Variants in ZNF536 observed in about 807,000 individuals in gnomAD.
ZNF536 encodes zinc finger protein 536.
A neutral mutation model predicts 84.5 loss-of-function variants in ZNF536; 13 were observed. The observed-to-expected ratio is 0.15, with a 90% CI of 0.10 to 0.24. The LOEUF is 0.24. ZNF536 is among the 10% of genes least tolerant of loss of function. The pLI is 1.00. For missense variants in ZNF536, 1,536 were observed against 1,747.5 expected, an observed-to-expected ratio of 0.88 and a Z score of 2.16; for synonymous variants, 811 against 742.5, an observed-to-expected ratio of 1.09 and a Z score of -1.50.
rs144603675 is a variant in ZNF536, at chr19:30,268,823, C to T, written c.-189-15249C>T. ...GAGCATGTTCTGTGCTTCTGCAAGC[C>T]GGAACTCCCCAATCTCGCTGGCCTT... On this transcript the variant is annotated intron_variant, in intron 1 of 5. Coordinates refer to the ZNF536 transcript ENST00000585628. 6.5e-3 allele frequency among the ~76,000 whole-genome samples: 991 copies of T among 152,256 alleles called. 11 individuals carry two copies. Among genetic ancestry groups the T allele is most frequent in the Non-Finnish European group, 7.0e-3 (478 of 68,028 alleles).
intron 3 of ZNF536, among the ~76,000 whole-genome samples, chr19:30,359,520 C>T (rs1259157420): frequency 1.3e-5 from 2 of 152,168 alleles, no homozygotes; most frequent in African/African-American, 4.8e-5. Flanking sequence ...ATGCAGAAGT[C>T]CCTATCTTCT....
Position 30,680,031 on chromosome 19 carries a change from G to A in ZNF536, c.170-30726G>A, listed in dbSNP as rs1350065176. ...GGCCAGGGGAGGGAGGGAGGGGTAA[G>A]GGACACTGGACAAGGTTGGGGTGTG... is the stretch of plus-strand genomic sequence containing the variant. On this transcript the variant is annotated intron_variant, in intron 1 of 1. Transcript: ENST00000592773. 3.9e-5 allele frequency among the ~76,000 whole-genome samples: 6 copies of A among 152,064 alleles called. No homozygotes were observed. In the East Asian group the frequency reaches 9.7e-4, roughly 25 times the overall value.
intron 1 of ZNF536, among the ~76,000 whole-genome samples, chr19:30,424,161 A>G (rs2051110624): frequency 6.6e-6 from 1 of 152,030 alleles, no homozygotes; most frequent in Non-Finnish European, 1.5e-5. Flanking sequence ...GTAACTCTCC[A>G]CCTGCTCTGG....
intron 1 of ZNF536, among the ~76,000 whole-genome samples, chr19:30,263,285 G>A (rs2025323707): frequency 6.6e-6 from 1 of 152,176 alleles, no homozygotes; most frequent in Admixed American, 6.5e-5. Context: ...AATGATTTTG[G>A]AAAGCATTTA....
chr19:30,594,915 C>T (rs1035476325), intron 1 of ZNF536, among the ~76,000 whole-genome samples: 3 of 152,120 alleles, frequency 2.0e-5, no homozygotes, highest in African/African-American at 4.8e-5. Context: ...CCCAGCTGCC[C>T]CGAAGGCCAA....
chr19:30,565,491 G>A (rs567969211), intron 1 of ZNF536, among the ~76,000 whole-genome samples: 1 of 152,298 alleles, frequency 6.6e-6, no homozygotes, highest in African/African-American at 2.4e-5. Flanking sequence ...GAAACCCTCT[G>A]TCATTATCAG....
chr19:30,404,741 G>A (rs991748425), intron 1 of ZNF536, among the ~76,000 whole-genome samples: 1 of 151,990 alleles, frequency 6.6e-6, no homozygotes, highest in Non-Finnish European at 1.5e-5. Flanking sequence ...AGGCGGGGGG[G>A]CTCCTCAACA....
chr19:30,547,064 C>G (rs1199062095), intron 3 of ZNF536, among the ~76,000 whole-genome samples: 1 of 152,122 alleles, frequency 6.6e-6, no homozygotes, highest in Non-Finnish European at 1.5e-5. Context: ...TTTTTATTCT[C>G]TAGAAAGCGC....
intron 2 of ZNF536, among the ~76,000 whole-genome samples, chr19:30,318,399 T>C (rs563324403): frequency 2.0e-5 from 3 of 152,300 alleles, no homozygotes; most frequent in Admixed American, 6.5e-5. Flanking sequence ...GCCAATGAAA[T>C]GATGCAGACC....
At chr19:30,627,966 C>T (rs963474325) in intron 1 of ZNF536, among the ~76,000 whole-genome samples, 10 of 152,168 alleles carry the variant, frequency 6.6e-5, no homozygotes, top group East Asian at 3.9e-4. Flanking sequence ...GTGTCCATCA[C>T]GCCTCAACCC....
At chr19:30,601,550 A>T (rs559708924) in intron 1 of ZNF536, among the ~76,000 whole-genome samples, 4 of 152,294 alleles carry the variant, frequency 2.6e-5, no homozygotes, top group African/African-American at 7.2e-5. Flanking sequence ...GAATATGGGC[A>T]TCTCTGCCAT....
intron 2 of ZNF536, among the ~76,000 whole-genome samples, chr19:30,326,879 G>A (rs370240857): frequency 2.4e-4 from 35 of 146,236 alleles, no homozygotes; most frequent in Middle Eastern, 7.3e-3. Flanking sequence ...AGGCTGAGGC[G>A]GGAGGATCAC....
chr19:30,664,223 TC>T (rs2050230505), intron 1 of ZNF536, among the ~76,000 whole-genome samples: 1 of 77,982 alleles, frequency 1.3e-5, no homozygotes, highest in Non-Finnish European at 2.5e-5. Flanking sequence ...TCTCTCTCTC[TC>T]TCTCTCTCTC....
intron 2 of ZNF536, among the ~76,000 whole-genome samples, chr19:30,487,884 T>G (rs1224207675): frequency 6.6e-6 from 1 of 152,254 alleles, no homozygotes; most frequent in Non-Finnish European, 1.5e-5. Flanking sequence ...TCCAATTATA[T>G]GAATCAATTT....
Position 30,277,657 on chromosome 19 carries a change from A to G in ZNF536, c.-189-6415A>G, listed in dbSNP as rs569176106. ...CATGTGAATGCTCACACGTGCACAC[A>G]TACATGCACATACCCACACACACAC... On this transcript the variant is annotated intron_variant, in intron 1 of 5. Transcript: ENST00000585628. Among the ~76,000 whole-genome samples the G allele has an allele frequency of 3.9e-5, 6 of 152,370 alleles. No homozygotes were observed. The East Asian group carries it at 1.2e-3, about 29-fold the overall frequency.
intron 3 of ZNF536, among the ~76,000 whole-genome samples, chr19:30,542,333 C>T (rs56199929): frequency 0.1 from 15,301 of 152,030 alleles, 1,065 homozygotes; most frequent in Non-Finnish European, 0.15. Context: ...AAATAGGTAC[C>T]GTGAACTAAT....
intron 3 of ZNF536, among the ~76,000 whole-genome samples, chr19:30,365,201 G>T (rs2048387266): frequency 6.6e-6 from 1 of 152,190 alleles, no homozygotes; most frequent in African/African-American, 2.4e-5. Context: ...AAAAGGACTT[G>T]CGCCAGCATT....
chr19:30,432,778 G>A (rs1040431254), intron 1 of ZNF536, among the ~76,000 whole-genome samples: 4 of 152,146 alleles, frequency 2.6e-5, no homozygotes, highest in African/African-American at 9.7e-5. Flanking sequence ...ATAGACAGAA[G>A]GTGTGTACAG....
intron 1 of ZNF536, among the ~76,000 whole-genome samples, chr19:30,669,471 G>A (rs1247548608): frequency 6.6e-6 from 1 of 152,226 alleles, no homozygotes; most frequent in East Asian, 1.9e-4. Context: ...GATGAAGAAA[G>A]AAGGGACAGG....
Sources: allele counts gnomAD v4.1 joint callset (sites outside exome capture counted in the v4.1 genomes callset), GRCh38; gene constraint gnomAD v4.1.1; transcripts MANE v1.5; gene names NCBI Gene and HGNC (gene_info 2026-07-23, HGNC 2026-07-21).